CILK1: variants seen among roughly 807,000 people sequenced by gnomAD.
CILK1 encodes ciliogenesis associated kinase 1, also known as serine/threonine-protein kinase ICK.
Under a neutral mutation model 79.2 loss-of-function variants are expected in CILK1, and 47 were observed. The ratio of observed to expected loss-of-function variants is 0.59; its 90% CI spans 0.47 to 0.76. The LOEUF (loss-of-function observed/expected upper bound fraction) is 0.76, where lower values mean the gene tolerates loss of function less well. Ranked by LOEUF, CILK1 falls within the 30% of genes least tolerant of loss-of-function variation. CILK1 has a pLI of 0.00. For synonymous variants in CILK1, 266 were observed against 275.9 expected, an observed-to-expected ratio of 0.96 and a Z score of 0.36; for missense variants, 660 against 769.5, an observed-to-expected ratio of 0.86 and a Z score of 1.68.
At chr6:53,008,554 AGCTGGGATTACAG>A (rs1441452326) in intron 12 of CILK1, among the ~76,000 whole-genome samples, 1 of 151,576 alleles carries the variant, frequency 6.6e-6, no homozygotes, top group African/African-American at 2.4e-5. Context: ...CCTCCTGAGT[AGCTGGGATTACAG>A]GCCTGCTGCC....
At chr6:53,042,538 A>T (rs2127454120) in intron 1 of CILK1, among the ~76,000 whole-genome samples, 1 of 152,380 alleles carries the variant, frequency 6.6e-6, no homozygotes, top group South Asian at 2.1e-4. Flanking sequence ...TTCAGAAGCT[A>T]AACAAAGAAC....
intron 1 of CILK1, among the ~76,000 whole-genome samples, chr6:53,053,461 A>G (rs1359348332): frequency 6.6e-6 from 1 of 152,220 alleles, no homozygotes; most frequent in South Asian, 2.1e-4. Context: ...GCTTATGCAT[A>G]TATTAGTACA....
rs761515487 is a variant in CILK1 at position 53,019,238 on chromosome 6, T to A, written c.480A>T (p.Val160=). The change falls in exon 6 of 14, where the codon GTA becomes GTT. Residue 160 remains valine (V), a synonymous_variant. Transcript: ENST00000676107. ...IRSKPPYTDY[V]STRWYRAPEV... Reference sequence around the variant, plus strand: ...AAAATGGTATTCACCATCTGGTAGATACATAATCTGTATATGGAGGTTTTG... The same window carrying A: ...AAAATGGTATTCACCATCTGGTAGAAACATAATCTGTATATGGAGGTTTTG... 5 of 1,613,934 alleles carry A rather than the reference T, an allele frequency of 3.1e-6. No homozygotes were observed. Among genetic ancestry groups the A allele is most frequent in the Non-Finnish European group, 4.2e-6 (5 of 1,179,772 alleles).
chr6:53,019,584 T>A (rs1020515729), intron 5 of CILK1, among the ~76,000 whole-genome samples: 24 of 152,212 alleles, frequency 1.6e-4, no homozygotes, highest in Middle Eastern at 3.4e-3. Flanking sequence ...TTCTTCATAA[T>A]TTTTTTTAAC....
intron 2 of CILK1, 147 bp downstream of exon 2, chr6:53,040,989 C>A: frequency 1.4e-6 from 1 of 703,820 alleles, no homozygotes; most frequent in Admixed American, 2.0e-5. Context: ...ATGAGTGTTA[C>A]AGAGTCAATA....
intron 3 of CILK1, among the ~76,000 whole-genome samples, chr6:53,034,950 C>T (rs1449598722): frequency 1.8e-4 from 28 of 152,090 alleles, no homozygotes; most frequent in Non-Finnish European, 2.9e-5. Flanking sequence ...GGCATGGAAA[C>T]TGAGTGGAGG....
chr6:53,011,376 T>G (rs558977210), intron 11 of CILK1, among the ~76,000 whole-genome samples: 34 of 152,260 alleles, frequency 2.2e-4, no homozygotes, highest in Non-Finnish European at 3.1e-4. Context: ...GGCTGGTGGA[T>G]CATTTGAGAT....
At chr6:53,061,265 C>A (rs1398110126) in intron 1 of CILK1, among the ~76,000 whole-genome samples, 1 of 152,168 alleles carries the variant, frequency 6.6e-6, no homozygotes, top group East Asian at 1.9e-4. Flanking sequence ...TTTGCTCAGA[C>A]CCCTTGTGGG....
chr6:53,022,488 A>G (rs1293082921), intron 5 of CILK1, among the ~76,000 whole-genome samples: 1 of 152,256 alleles, frequency 6.6e-6, no homozygotes, highest in African/African-American at 2.4e-5. Context: ...ACAACAGGCT[A>G]TACCATATAG....
chr6:53,030,973 T>G (rs892187260), intron 5 of CILK1, 92 bp downstream of exon 5: 13 of 861,648 alleles, frequency 1.5e-5, no homozygotes, highest in Non-Finnish European at 2.6e-5. Flanking sequence ...TTTCTGGGAG[T>G]CAGCTACAAA....
intron 7 of CILK1, among the ~76,000 whole-genome samples, chr6:53,017,741 G>C (rs1441072431): frequency 6.6e-6 from 1 of 152,208 alleles, no homozygotes; most frequent in African/African-American, 2.4e-5. Flanking sequence ...CAAGAGCCAT[G>C]TGGCAATATT....
intron 12 of CILK1, among the ~76,000 whole-genome samples, chr6:53,008,580 C>T (rs1764378134): frequency 6.6e-6 from 1 of 151,874 alleles, no homozygotes; most frequent in Non-Finnish European, 1.5e-5. Context: ...CTGCTGCCAC[C>T]ATGCCTGGCT....
At position 53,005,174 on chromosome 6, in the gene CILK1, G is replaced by T; in HGVS notation, c.1874C>A (p.Ala625Asp). ...AQPVHGRTDW[A>D]SKYASRR is the part of the protein sequence containing the mutation. ...TCATCGCCGAGATGCGTACTTGGAAGCCCAGTCTGTCCGGCCATGCACTGG... is the reference window on the plus strand; with the variant it reads ...TCATCGCCGAGATGCGTACTTGGAATCCCAGTCTGTCCGGCCATGCACTGG... Residue 625 changes from alanine to aspartate, a missense_variant, in exon 14 of 14, where the codon GCT (alanine) becomes GAT (aspartate). Physicochemically the swap from Ala to Asp is moderately radical, Grantham distance 126 (BLOSUM62 -2). Coordinates refer to ENST00000676107, the MANE Select transcript of CILK1 (RefSeq NM_014920.5). 6.2e-7 allele frequency: 1 copy of T among 1,614,220 alleles called. No individual in the cohort carries two copies.
chr6:53,054,117 C>T (rs1767680210), intron 1 of CILK1, among the ~76,000 whole-genome samples: 1 of 152,182 alleles, frequency 6.6e-6, no homozygotes, highest in African/African-American at 2.4e-5. Context: ...TGCACAAGTG[C>T]CCCAGTGCCT....
At chr6:53,007,775 C>CA (rs563172663) in intron 12 of CILK1, among the ~76,000 whole-genome samples, 29,637 of 130,224 alleles carry the variant, frequency 0.23, 3,319 homozygotes, top group African/African-American at 0.31. Flanking sequence ...ACTAAAAATA[C>CA]AAAAAAAAAA....
chr6:53,007,190 C>A (rs886883222), intron 12 of CILK1, among the ~76,000 whole-genome samples: 1 of 152,170 alleles, frequency 6.6e-6, no homozygotes, highest in African/African-American at 2.4e-5. Context: ...AATGGAAATT[C>A]TAACCATTAA....
intron 5 of CILK1, among the ~76,000 whole-genome samples, chr6:53,030,655 T>G (rs75894376): frequency 1.3e-3 from 196 of 152,372 alleles, no homozygotes; most frequent in African/African-American, 4.4e-3. Flanking sequence ...TTTGTTAGAC[T>G]ACTTTTAAAC....
chr6:53,027,162 C>A (rs1362699356), intron 5 of CILK1, among the ~76,000 whole-genome samples: 1 of 152,184 alleles, frequency 6.6e-6, no homozygotes, highest in Admixed American at 6.5e-5. Flanking sequence ...GACAGCAATG[C>A]ATAGAAAGGC....
chr6:53,005,219 G>A lies in CILK1; in HGVS notation c.1829C>T (p.Pro610Leu), dbSNP rs1306625150. Reference sequence around the variant, plus strand: ...CACTGGCTGGGCGGCTGGAGGCCGTGGTATCAACCCAGGAGTGCTTCTAGG... The same window carrying A: ...CACTGGCTGGGCGGCTGGAGGCCGTAGTATCAACCCAGGAGTGCTTCTAGG... ...TQPRSTPGLI[P>L]RPPAAQPVHG... The change falls in exon 14 of 14, where the codon CCA becomes CTA. Residue 610 changes from proline to leucine, a missense_variant. Transcript: ENST00000676107. 1 of 1,614,050 alleles carries A rather than the reference G, an allele frequency of 6.2e-7. No individual in the cohort carries two copies. The highest frequency in any genetic ancestry group is 1.7e-5 in the Admixed American group (1 of 60,006).
Sources: gnomAD v4.1 joint callset for allele counts (sites outside exome capture counted in the v4.1 genomes callset) on GRCh38, gnomAD v4.1.1 for gene constraint, MANE v1.5 for transcripts, NCBI Gene and HGNC (gene_info 2026-07-23, HGNC 2026-07-21) for gene names.